Variants in TUBGCP5 observed in about 807,000 individuals in gnomAD.
TUBGCP5 encodes the protein tubulin gamma complex component 5.
Under a neutral mutation model 134.7 loss-of-function variants are expected in TUBGCP5, and 98 were observed. That is an observed-to-expected ratio of 0.73 (90% CI 0.62 to 0.86). TUBGCP5 has a LOEUF of 0.86. Among genes scored for constraint, TUBGCP5 ranks in the 40% least tolerant of loss-of-function variants. The pLI is 0.00. For missense variants in TUBGCP5, 1,150 were observed against 1,244.8 expected (o/e 0.92, Z 1.15); for synonymous variants, 456 against 431.4 (o/e 1.06, Z -0.71).
At chr15:22,983,851 G>A (rs913615136) in intron 23 of TUBGCP5, among the ~76,000 whole-genome samples, 5 of 152,096 alleles carry the variant, frequency 3.3e-5, no homozygotes, top group African/African-American at 4.8e-5. Context: ...GGCCAGGTGC[G>A]GTGGCTCATG....
intron 11 of TUBGCP5, 61 bp from the exon 12 acceptor site, chr15:23,019,395 G>A: frequency 9.4e-7 from 1 of 1,061,396 alleles, no homozygotes. Context: ...GATAAAAGGA[G>A]GTTTAAACAT....
At chr15:23,036,660 ATC>A (rs1340665842) in intron 3 of TUBGCP5, among the ~76,000 whole-genome samples, 1 of 152,176 alleles carries the variant, frequency 6.6e-6, no homozygotes, top group Non-Finnish European at 1.5e-5. Context: ...TCAATCTCTG[ATC>A]TCTCTTTCCT....
chr15:23,027,365 A>G (rs2066038910), intron 6 of TUBGCP5, 59 bp from the exon 7 acceptor site: 2 of 1,349,228 alleles, frequency 1.5e-6, no homozygotes, highest in Non-Finnish European at 2.1e-6. Flanking sequence ...GGGTCACAAT[A>G]CCTGGACTTA....
Position 23,016,986 on chromosome 15 carries a change from A to ATATATATATATATATATATATATATATG in TUBGCP5, c.1756+786_1756+787insCATATATATATATATATATATATATATA, listed in dbSNP as rs373904143. On this transcript the variant is annotated intron_variant, in intron 13 of 22. Coordinates refer to ENST00000615383, the MANE Select transcript of TUBGCP5 (RefSeq NM_052903.6). ...AATTGTGAGATATATATATATATAT[A>ATATATATATATATATATATATATATATG]TGTATATATCTTGAAGATAAAAGAG... Among the ~76,000 whole-genome samples, 587 of 137,940 alleles carry ATATATATATATATATATATATATATATG rather than the reference A, an allele frequency of 4.3e-3. 19 individuals are homozygous for ATATATATATATATATATATATATATATG. The highest frequency in any genetic ancestry group is 0.014 in the African/African-American group (510 of 36,854). The allele number at this position is 137,940 out of a possible 152,430, so 90.5% of individuals were successfully genotyped here. A position where few individuals can be genotyped will look rare whatever the true frequency, so the allele number is the denominator to read the frequency against.
In TUBGCP5 at chr15:23,039,350, G is replaced by A. The variant is rs1199438314; in HGVS notation, c.146+48C>T. 9 of 1,314,460 alleles carry A rather than the reference G, an allele frequency of 6.8e-6. No individual in the cohort carries two copies. In the South Asian group the frequency reaches 1.7e-4, roughly 25 times the overall value. 81.4% of individuals were successfully genotyped at this position (1,314,460 alleles called of 1,614,324 possible). A position where few individuals can be genotyped will look rare whatever the true frequency, so the allele number is the denominator to read the frequency against. On this transcript the variant is annotated intron_variant, in intron 1 of 22. Transcript: ENST00000615383. ...CCCGGGCTGTGCGGGACCCACGCGC[G>A]GGCTCCGGGCTGTGGCCGGGAACCC...
chr15:22,993,334 G>GA (rs2140357479), intron 23 of TUBGCP5, among the ~76,000 whole-genome samples: 1 of 150,808 alleles, frequency 6.6e-6, no homozygotes, highest in Admixed American at 6.6e-5. Flanking sequence ...TCCTGACCTC[G>GA]TGATTCGCCT....
At chr15:23,036,507 T>C (rs894196361) in intron 3 of TUBGCP5, among the ~76,000 whole-genome samples, 31 of 152,070 alleles carry the variant, frequency 2.0e-4, no homozygotes, top group African/African-American at 7.2e-4. Flanking sequence ...AGCAAATCAT[T>C]ATGCCAAAAG....
In TUBGCP5 at chr15:23,022,152, A is replaced by T; in HGVS notation, c.1178T>A (p.Ile393Lys). 8 of 1,614,116 alleles carry T rather than the reference A, an allele frequency of 5.0e-6. No individual in the cohort carries two copies. Among genetic ancestry groups the T allele is most frequent in the Non-Finnish European group, 6.8e-6 (8 of 1,179,968 alleles). ...EKCIINNDTTITLAIVVDKLA... is the reference protein window; with the variant it reads ...EKCIINNDTTKTLAIVVDKLA... ...CTTGTCCACCACTATTGCAAGAGTT[A>T]TTGTAGTATCTGCAAATATCAATAA... The change falls in exon 11 of 23, where the codon ATA becomes AAA. Residue 393 changes from isoleucine to lysine, a missense_variant. This residue lies in a region of TUBGCP5 where 697 missense variants were observed against 850.1 expected (regional missense o/e 0.82). Coordinates refer to ENST00000615383, the MANE Select transcript of TUBGCP5 (RefSeq NM_052903.6).
chr15:23,006,002 G>T, intron 18 of TUBGCP5, 50 bp downstream of exon 18: 1 of 1,531,956 alleles, frequency 6.5e-7, no homozygotes, highest in South Asian at 1.2e-5. Flanking sequence ...CTTTTATTAA[G>T]GGCTAAAATT....
chr15:23,015,794 T>G (rs910233895), intron 13 of TUBGCP5, among the ~76,000 whole-genome samples: 93 of 152,280 alleles, frequency 6.1e-4, no homozygotes, highest in African/African-American at 2.2e-3. Flanking sequence ...ACTATACTAC[T>G]GCATTTGTCC....
chr15:22,992,290 A>G (rs2063867958), intron 23 of TUBGCP5, among the ~76,000 whole-genome samples: 1 of 152,142 alleles, frequency 6.6e-6, no homozygotes, highest in African/African-American at 2.4e-5. Flanking sequence ...GGCCAGAAGC[A>G]GCAAGAACTG....
intron 23 of TUBGCP5, among the ~76,000 whole-genome samples, chr15:22,988,660 T>C (rs377272803): frequency 0.048 from 7,055 of 148,402 alleles, 345 homozygotes; most frequent in African/African-American, 0.13. Flanking sequence ...GGCGTGAACC[T>C]AGGAGGCAGA....
chr15:22,986,144 A>T (rs202193383), intron 23 of TUBGCP5, among the ~76,000 whole-genome samples: 1,493 of 85,596 alleles, frequency 0.017, 23 homozygotes, highest in African/African-American at 0.056. Context: ...AAAAAAAAAA[A>T]AAAAATAATA....
At chr15:23,004,067 G>A in intron 20 of TUBGCP5, 35 bp downstream of exon 20, 1 of 1,582,588 alleles carries the variant, frequency 6.3e-7, no homozygotes, top group Non-Finnish European at 8.6e-7. Context: ...CACTCGCCCA[G>A]CAGTGGCCAC....
At position 23,027,111 on chromosome 15, in the gene TUBGCP5, T is replaced by G. The variant is rs1035847139; in HGVS notation, c.737+81A>C. On this transcript the variant is annotated intron_variant, in intron 7 of 22. Coordinates refer to ENST00000615383, the MANE Select transcript of TUBGCP5 (RefSeq NM_052903.6). ...ACAAGTTTAAATTTCAGGGAAGAACTTAAGTCACAAATCAAAGCCAAACGT... is the reference window on the plus strand; with the variant it reads ...ACAAGTTTAAATTTCAGGGAAGAACGTAAGTCACAAATCAAAGCCAAACGT... The G allele has an allele frequency of 3.8e-6, 4 of 1,060,380 alleles. No homozygotes were observed. The African/African-American group carries it at 6.5e-5, about 17-fold the overall frequency. 65.7% of individuals were successfully genotyped at this position (1,060,380 alleles called of 1,614,324 possible). A position where few individuals can be genotyped will look rare whatever the true frequency, so the allele number is the denominator to read the frequency against.
rs1313346847 is a variant in TUBGCP5 at position 23,011,257 on chromosome 15, T to G, written c.1831A>C (p.Thr611Pro). ...TGTTGCTCAGTAAGAACCTGTGGAG[T>G]GGAATCTTCTCCATGTCGAAGACGG... is the stretch of plus-strand genomic sequence containing the variant. ...QSRLRHGEDS[T>P]PQVLTEQQAT... is the part of the protein sequence containing the mutation. Residue 611 changes from threonine (T) to proline (P), a missense_variant, in exon 14 of 23, where the codon ACT becomes CCT. Coordinates refer to ENST00000615383, the MANE Select transcript of TUBGCP5 (RefSeq NM_052903.6). The G allele has an allele frequency of 6.2e-6, 10 of 1,613,752 alleles. No individual in the cohort carries two copies. The highest frequency in any genetic ancestry group is 8.5e-6 in the Non-Finnish European group (10 of 1,179,926).
In TUBGCP5 at chr15:23,011,275, G is replaced by A. The variant is rs145962755; in HGVS notation, c.1813C>T (p.Arg605Ter). Reference protein sequence around the residue: ...LFLESVQSRLRHGEDSTPQVL... With the variant: ...LFLESVQSRL ...TGTGGAGTGGAATCTTCTCCATGTCGAAGACGGGACTGTACAGATTCCAGA... is the reference window on the plus strand; with the variant it reads ...TGTGGAGTGGAATCTTCTCCATGTCAAAGACGGGACTGTACAGATTCCAGA... Residue 605 changes from arginine to a stop codon, truncating the protein, a stop_gained, in exon 14 of 23, where the codon CGA (arginine) becomes TGA (stop). Transcript: ENST00000615383. LOFTEE classifies it high-confidence loss of function. The A allele has an allele frequency of 4.3e-5, 69 of 1,613,818 alleles. No individual in the cohort carries two copies. Among genetic ancestry groups the A allele is most frequent in the Non-Finnish European group, 1.7e-5 (20 of 1,179,986 alleles).
intron 6 of TUBGCP5, among the ~76,000 whole-genome samples, chr15:23,028,841 A>G (rs1361479790): frequency 1.3e-5 from 2 of 152,200 alleles, no homozygotes; most frequent in African/African-American, 2.4e-5. Flanking sequence ...AGATACAGGC[A>G]TAAGAACTAG....
chr15:22,989,133 C>G (rs1435514051), intron 23 of TUBGCP5, among the ~76,000 whole-genome samples: 1 of 152,134 alleles, frequency 6.6e-6, no homozygotes, highest in African/African-American at 2.4e-5. Context: ...GTCTCTATCT[C>G]AAGTCAGTGG....
Sources: gnomAD v4.1 joint callset for allele counts (sites outside exome capture counted in the v4.1 genomes callset) on GRCh38, gnomAD v4.1.1 for gene constraint, gnomAD v4.1.1 regional missense constraint, MANE v1.5 for transcripts, NCBI Gene and HGNC (gene_info 2026-07-23, HGNC 2026-07-21) for gene names.